DCC: variants seen among roughly 807,000 people sequenced by gnomAD.
The protein encoded by DCC is netrin receptor DCC.
In DCC, 58 loss-of-function variants were observed where a neutral mutation model predicts 172.5. The observed-to-expected ratio is 0.34, with a 90% CI of 0.27 to 0.42. The LOEUF (loss-of-function observed/expected upper bound fraction) is 0.42, where lower values mean the gene tolerates loss of function less well. Among genes scored for constraint, DCC ranks in the 10% least tolerant of loss-of-function variants. The probability of loss-of-function intolerance (pLI) is 1.00; values close to 1 mark genes in which losing one functional copy is unlikely to be tolerated. For synonymous variants in DCC, 709 were observed against 644.5 expected (o/e 1.10, Z -1.52); for missense variants, 1,740 against 1,791.0 (o/e 0.97, Z 0.51).
At chr18:52,803,147 CTT>C in intron 2 of DCC, among the ~76,000 whole-genome samples, 1 of 152,296 alleles carries the variant, frequency 6.6e-6, no homozygotes, top group South Asian at 2.1e-4. Context: ...CTTGGGAACA[CTT>C]TGAACATCAC....
intron 5 of DCC, among the ~76,000 whole-genome samples, chr18:53,046,668 A>G (rs116623540): frequency 6.6e-6 from 1 of 152,006 alleles, no homozygotes; most frequent in Non-Finnish European, 1.5e-5. Context: ...AAGGAATTCC[A>G]CATAACTTGA....
chr18:52,807,994 A>G (rs4939705), intron 2 of DCC, among the ~76,000 whole-genome samples: 99,382 of 151,998 alleles, frequency 0.65, 33,286 homozygotes, highest in East Asian at 0.86. Context: ...TAAATGGCTC[A>G]GGGGCCTTGG....
At chr18:53,090,024 C>G (rs1471873937) in intron 7 of DCC, among the ~76,000 whole-genome samples, 2 of 152,116 alleles carry the variant, frequency 1.3e-5, no homozygotes, top group Non-Finnish European at 2.9e-5. Context: ...TCCCCACTCC[C>G]CTCGCTATTT....
intron 25 of DCC, among the ~76,000 whole-genome samples, chr18:53,468,807 T>C (rs577542632): frequency 6.6e-6 from 1 of 152,190 alleles, no homozygotes; most frequent in Non-Finnish European, 1.5e-5. Flanking sequence ...TTTTCTGTCA[T>C]CCTCCCACAT....
intron 1 of DCC, among the ~76,000 whole-genome samples, chr18:52,633,857 CA>C: frequency 6.6e-6 from 1 of 152,236 alleles, no homozygotes; most frequent in South Asian, 2.1e-4. Flanking sequence ...TAGGTAACAC[CA>C]AACTGAGAAC....
At chr18:53,228,127 C>A (rs1351515891) in intron 12 of DCC, among the ~76,000 whole-genome samples, 2 of 151,712 alleles carry the variant, frequency 1.3e-5, no homozygotes, top group East Asian at 3.9e-4. Context: ...TCAATATTTC[C>A]AAGTTGGGTT....
At chr18:52,742,715 G>A (rs1304101957) in intron 1 of DCC, among the ~76,000 whole-genome samples, 1 of 152,030 alleles carries the variant, frequency 6.6e-6, no homozygotes, top group Non-Finnish European at 1.5e-5. Flanking sequence ...TACCATAAAT[G>A]TGCCACTAAA....
intron 1 of DCC, among the ~76,000 whole-genome samples, chr18:52,591,787 C>A (rs182074540): frequency 0.015 from 1,886 of 125,140 alleles, 53 homozygotes; most frequent in African/African-American, 0.052. Context: ...TTATTTATTT[C>A]TTTTTTTTTT....
At chr18:53,325,598 A>G (rs981403818) in intron 14 of DCC, among the ~76,000 whole-genome samples, 2 of 152,176 alleles carry the variant, frequency 1.3e-5, no homozygotes, top group African/African-American at 4.8e-5. Context: ...CTGTAATCCA[A>G]TTTATACATC....
At chr18:52,342,994 A>G (rs952944636) in intron 1 of DCC, among the ~76,000 whole-genome samples, 8 of 152,246 alleles carry the variant, frequency 5.3e-5, no homozygotes, top group Non-Finnish European at 8.8e-5. Flanking sequence ...AGGAAGGGAT[A>G]CATACACACA....
At chr18:53,111,674 G>A (rs1226890384) in intron 7 of DCC, among the ~76,000 whole-genome samples, 1 of 151,596 alleles carries the variant, frequency 6.6e-6, no homozygotes, top group Non-Finnish European at 1.5e-5. Flanking sequence ...CCTCAGTCTT[G>A]ATTCTGAGCA....
At chr18:53,319,515 C>G (rs1160119927) in intron 13 of DCC, among the ~76,000 whole-genome samples, 1 of 152,156 alleles carries the variant, frequency 6.6e-6, no homozygotes, top group African/African-American at 2.4e-5. Flanking sequence ...ATCTAAATTG[C>G]TTTCTAATGA....
chr18:52,848,766 G>A (rs16955702), intron 2 of DCC, among the ~76,000 whole-genome samples: 4,062 of 152,164 alleles, frequency 0.027, 160 homozygotes, highest in African/African-American at 0.089. Context: ...AATGGTTTAA[G>A]ATAAGACATA....
rs569721340 is a variant in DCC, at chr18:53,523,833, C to G, written c.4112-2784C>G. ...CAGGTTGATGGGTGCAGCAAACCACCATGGCACATGTATACCTATGTAACA... is the reference window on the plus strand; with the variant it reads ...CAGGTTGATGGGTGCAGCAAACCACGATGGCACATGTATACCTATGTAACA... On this transcript the variant is annotated intron_variant, in intron 27 of 28. Coordinates refer to ENST00000442544, the MANE Select transcript of DCC (RefSeq NM_005215.4). Among the ~76,000 whole-genome samples, 12 of 152,098 alleles carry G rather than the reference C, an allele frequency of 7.9e-5. No individual in the cohort carries two copies. In the South Asian group the frequency reaches 2.5e-3, roughly 32 times the overall value.
At chr18:52,967,451 A>G (rs1338714441) in intron 5 of DCC, among the ~76,000 whole-genome samples, 1 of 152,180 alleles carries the variant, frequency 6.6e-6, no homozygotes, top group East Asian at 1.9e-4. Context: ...TGTACTGTAT[A>G]GTTTTGACCA....
chr18:52,539,470 G>A (rs568594876), intron 1 of DCC, among the ~76,000 whole-genome samples: 110 of 152,236 alleles, frequency 7.2e-4, no homozygotes, highest in African/African-American at 2.5e-3. Context: ...CCTGAGCTCC[G>A]CCTCCTCTCA....
intron 8 of DCC, among the ~76,000 whole-genome samples, chr18:53,177,056 A>G (rs1467917231): frequency 6.6e-6 from 1 of 152,056 alleles, no homozygotes; most frequent in African/African-American, 2.4e-5. Context: ...GGCAATCATC[A>G]TTCTCAGTAA....
chr18:52,805,186 A>G (rs1027184288), intron 2 of DCC, among the ~76,000 whole-genome samples: 2 of 152,194 alleles, frequency 1.3e-5, no homozygotes, highest in Non-Finnish European at 2.9e-5. Flanking sequence ...GACTCAATGT[A>G]TAATCTCTGG....
chr18:53,391,883 A>G lies in DCC; in HGVS notation c.2684A>G (p.Tyr895Cys), dbSNP rs1287566191. Residue 895 changes from tyrosine (Y) to cysteine (C), a missense_variant, in exon 17 of 29, where the codon TAC (tyrosine) becomes TGC (cysteine). Physicochemically the swap from Tyr to Cys is radical, Grantham distance 194 (BLOSUM62 -2). This residue lies in a region of DCC where 1,732 missense variants were observed against 1,767.4 expected (regional missense o/e 0.98). Transcript: ENST00000442544. ...WRTSFSASAK[Y>C]KSEDTTSLSY... ...ACCAGCTTTTCTGCAAGTGCAAAAT[A>G]CAAGGTGAAGTTCTAATTGATAGCA... 6.4e-7 allele frequency: 1 copy of G among 1,555,154 alleles called. No homozygotes were observed.
Sources: gnomAD v4.1 joint callset for allele counts (sites outside exome capture counted in the v4.1 genomes callset) on GRCh38, gnomAD v4.1.1 for gene constraint, gnomAD v4.1.1 regional missense constraint, MANE v1.5 for transcripts, NCBI Gene and HGNC (gene_info 2026-07-23, HGNC 2026-07-21) for gene names.